Variants in DOCK10 observed in about 807,000 individuals in gnomAD.
DOCK10 encodes dedicator of cytokinesis 10, also known as dedicator of cytokinesis protein 10.
In DOCK10, 145 loss-of-function variants were observed where a neutral mutation model predicts 280.1. The ratio of observed to expected loss-of-function variants is 0.52; its 90% CI spans 0.45 to 0.59. The LOEUF (loss-of-function observed/expected upper bound fraction) is 0.59, where lower values mean the gene tolerates loss of function less well. Ranked by LOEUF, DOCK10 falls within the 20% of genes least tolerant of loss-of-function variation. The pLI, the probability that DOCK10 is intolerant of heterozygous loss-of-function variation, is 0.00. For synonymous variants in DOCK10, 915 were observed against 942.2 expected, an observed-to-expected ratio of 0.97 and a Z score of 0.53; for missense variants, 2,368 against 2,651.7, an observed-to-expected ratio of 0.89 and a Z score of 2.35.
At chr2:224,918,148 C>G (rs972353050) in intron 2 of DOCK10, among the ~76,000 whole-genome samples, 1 of 152,194 alleles carries the variant, frequency 6.6e-6, no homozygotes, top group African/African-American at 2.4e-5. Flanking sequence ...ATCCTGGACT[C>G]TTATTTTCTC....
intron 1 of DOCK10, among the ~76,000 whole-genome samples, chr2:224,957,380 T>A (rs759692255): frequency 6.8e-6 from 1 of 147,844 alleles, no homozygotes; most frequent in Non-Finnish European, 1.5e-5. Flanking sequence ...AACCTTGAAC[T>A]CTTGGGCTCA....
rs912778321 is a variant in DOCK10 at position 224,798,628 on chromosome 2, C to A, written c.4507-659G>T. 2.8e-5 allele frequency among the ~76,000 whole-genome samples: 4 copies of A among 144,474 alleles called. No homozygotes were observed. The South Asian group carries it at 9.9e-4, about 36-fold the overall frequency. The allele number at this position is 144,474 out of a possible 152,430, so 94.8% of individuals were successfully genotyped here. ...ATTCAAAGAATCCAAGTTTTCCTGGCTCAATCTTTTTTTTTTTTTTTGAGA... is the reference window on the plus strand; with the variant it reads ...ATTCAAAGAATCCAAGTTTTCCTGGATCAATCTTTTTTTTTTTTTTTGAGA... On this transcript the variant is annotated intron_variant, in intron 41 of 55. Coordinates refer to ENST00000258390, the MANE Select transcript of DOCK10 (RefSeq NM_014689.3).
intron 25 of DOCK10, among the ~76,000 whole-genome samples, chr2:224,835,291 A>G (rs1695522814): frequency 6.6e-6 from 1 of 152,242 alleles, no homozygotes; most frequent in Non-Finnish European, 1.5e-5. Flanking sequence ...ATGCACAGTT[A>G]TTTAGCCTGA....
intron 14 of DOCK10, among the ~76,000 whole-genome samples, chr2:224,860,360 A>C (rs536516357): frequency 6.6e-6 from 1 of 152,248 alleles, no homozygotes; most frequent in East Asian, 1.9e-4. Flanking sequence ...TGATCTCTGC[A>C]AGTGACTTTT....
rs778578147 is a variant in DOCK10, at chr2:224,862,613, A to G, written c.1685+51T>C. On this transcript the variant is annotated intron_variant, in intron 14 of 55. Coordinates refer to ENST00000258390, the MANE Select transcript of DOCK10 (RefSeq NM_014689.3). ...AAAACGTTCAAAACTGAAGCTTCCA[A>G]TGCCACCATTAAATGTATTTCTAGT... 6.8e-6 allele frequency: 10 copies of G among 1,476,228 alleles called. No individual in the cohort carries two copies. In the South Asian group the frequency reaches 1.0e-4, roughly 15 times the overall value. 91.4% of individuals were successfully genotyped at this position (1,476,228 alleles called of 1,614,324 possible).
chr2:224,778,299 G>A lies in DOCK10; in HGVS notation c.5656-15C>T, dbSNP rs1017965026. 5 of 1,590,036 alleles carry A rather than the reference G, an allele frequency of 3.1e-6. No homozygotes were observed. In the African/African-American group the frequency reaches 6.7e-5, roughly 21 times the overall value. ...TCAAAAAAGCCCTATGGAACATAATGAACCACCAATTTTATTAGACAATGC... is the reference window on the plus strand; with the variant it reads ...TCAAAAAAGCCCTATGGAACATAATAAACCACCAATTTTATTAGACAATGC... On this transcript the variant is annotated splice_polypyrimidine_tract_variant and intron_variant, in intron 50 of 55. Coordinates refer to ENST00000258390, the MANE Select transcript of DOCK10 (RefSeq NM_014689.3).
chr2:224,938,551 C>T (rs540469000), intron 1 of DOCK10, among the ~76,000 whole-genome samples: 1 of 152,030 alleles, frequency 6.6e-6, no homozygotes, highest in Non-Finnish European at 1.5e-5. Context: ...CTTGAAATCC[C>T]CAAAACAAAT....
At chr2:224,816,517 G>A (rs1162946923) in intron 30 of DOCK10, 100 bp downstream of exon 30, 2 of 775,136 alleles carry the variant, frequency 2.6e-6, no homozygotes, top group African/African-American at 1.8e-5. Context: ...ACAAAATTAT[G>A]ACTGAAGAAA....
intron 1 of DOCK10, among the ~76,000 whole-genome samples, chr2:225,016,585 A>G (rs1689599958): frequency 7.3e-6 from 1 of 137,080 alleles, no homozygotes; most frequent in African/African-American, 2.7e-5. Context: ...ACATAGATAC[A>G]TATATCTATG....
intron 52 of DOCK10, among the ~76,000 whole-genome samples, 171 bp from the exon 53 acceptor site, chr2:224,773,518 T>G (rs1174050697): frequency 6.6e-6 from 1 of 152,174 alleles, no homozygotes; most frequent in East Asian, 1.9e-4. Flanking sequence ...TCCTCTCTAA[T>G]ACCTCTTAGC....
intron 1 of DOCK10, among the ~76,000 whole-genome samples, chr2:224,958,447 G>A (rs1033560144): frequency 2.0e-5 from 3 of 152,132 alleles, no homozygotes; most frequent in Non-Finnish European, 4.4e-5. Flanking sequence ...TTTGGATAAG[G>A]ATAATTAGGT....
At chr2:225,014,655 G>A (rs925773838) in intron 1 of DOCK10, among the ~76,000 whole-genome samples, 3 of 151,966 alleles carry the variant, frequency 2.0e-5, no homozygotes, top group Non-Finnish European at 4.4e-5. Flanking sequence ...TGCAAGTTTA[G>A]AAGCTCAATA....
At chr2:224,865,590 T>C (rs535657925) in intron 11 of DOCK10, among the ~76,000 whole-genome samples, 25 of 152,202 alleles carry the variant, frequency 1.6e-4, no homozygotes, top group African/African-American at 6.0e-4. Flanking sequence ...CGCAGATACA[T>C]ATTAAAACAC....
chr2:224,949,511 A>G (rs1703609968), intron 1 of DOCK10, among the ~76,000 whole-genome samples: 1 of 152,214 alleles, frequency 6.6e-6, no homozygotes, highest in Non-Finnish European at 1.5e-5. Context: ...AGTTCATTAG[A>G]GTTTGAAGGA....
At position 224,765,838 on chromosome 2, in the gene DOCK10, C is replaced by T; in HGVS notation, c.6445-1G>A. On this transcript the variant is annotated splice_acceptor_variant, in intron 55 of 55. Coordinates refer to ENST00000258390, the MANE Select transcript of DOCK10 (RefSeq NM_014689.3). LOFTEE classifies it high-confidence loss of function. ...TTGACAGGTCGTCCCTGCCCGTAAT[C>T]TTAAAACAGGGAAAAACACAACACA... 2 of 1,612,122 alleles carry T rather than the reference C, an allele frequency of 1.2e-6. No homozygotes were observed. The highest frequency in any genetic ancestry group is 1.7e-6 in the Non-Finnish European group (2 of 1,178,664).
At chr2:224,991,955 T>G (rs1706137214) in intron 1 of DOCK10, among the ~76,000 whole-genome samples, 1 of 151,472 alleles carries the variant, frequency 6.6e-6, no homozygotes, top group South Asian at 2.1e-4. Flanking sequence ...ACAGGAGGAG[T>G]TGTTACTGGA....
intron 47 of DOCK10, among the ~76,000 whole-genome samples, chr2:224,790,371 G>C (rs774246506): frequency 2.0e-5 from 3 of 152,198 alleles, no homozygotes; most frequent in Non-Finnish European, 4.4e-5. Context: ...CCATAAACAG[G>C]AGGTGATAAT....
chr2:224,818,133 G>A (rs535064170), intron 29 of DOCK10, among the ~76,000 whole-genome samples: 1 of 152,280 alleles, frequency 6.6e-6, no homozygotes, highest in South Asian at 2.1e-4. Context: ...CAGCACCTCG[G>A]CCAAATGGTT....
chr2:224,843,920 T>G lies in DOCK10; in HGVS notation c.2568+833A>C, dbSNP rs188395876. On this transcript the variant is annotated intron_variant, in intron 22 of 55. Coordinates refer to ENST00000258390, the MANE Select transcript of DOCK10 (RefSeq NM_014689.3). The stretch of plus-strand genomic sequence containing the variant: ...GGATCACATTTGCTACAACCTTAGG[T>G]AGCAGAGACTCTGTTGATATCATTT... Among the ~76,000 whole-genome samples, 292 of 152,290 alleles carry G rather than the reference T, an allele frequency of 1.9e-3. 1 individual carries two copies. Among genetic ancestry groups the G allele is most frequent in the South Asian group, 0.013 (65 of 4,824 alleles).
Sources: allele counts gnomAD v4.1 joint callset (sites outside exome capture counted in the v4.1 genomes callset), GRCh38; gene constraint gnomAD v4.1.1; transcripts MANE v1.5; gene names NCBI Gene and HGNC (gene_info 2026-07-23, HGNC 2026-07-21).